RNLS: variants seen among roughly 807,000 people sequenced by gnomAD.
The protein encoded by RNLS is renalase, FAD dependent amine oxidase, also known as renalase.
Under a neutral mutation model 39.8 loss-of-function variants are expected in RNLS, and 39 were observed. The ratio of observed to expected loss-of-function variants is 0.98; its 90% CI spans 0.76 to 1.28. The LOEUF (loss-of-function observed/expected upper bound fraction) is 1.28. Among genes scored for constraint, RNLS ranks in the 50% most tolerant of loss-of-function variants. The pLI, the probability that RNLS is intolerant of heterozygous loss-of-function variation, is 0.00. For synonymous variants in RNLS, 147 were observed against 150.7 expected, an observed-to-expected ratio of 0.98 and a Z score of 0.18; for missense variants, 410 against 413.3, an observed-to-expected ratio of 0.99 and a Z score of 0.07.
At chr10:88,437,594 AC>A (rs1439750310) in intron 4 of RNLS, among the ~76,000 whole-genome samples, 1 of 152,028 alleles carries the variant, frequency 6.6e-6, no homozygotes, top group African/African-American at 2.4e-5. Flanking sequence ...TTATTTCCAC[AC>A]CCTGTTTTCA....
chr10:88,374,262 A>T (rs1315229396), intron 4 of RNLS, among the ~76,000 whole-genome samples: 1 of 152,106 alleles, frequency 6.6e-6, no homozygotes, highest in Non-Finnish European at 1.5e-5. Flanking sequence ...TCATAACCTC[A>T]AGGTGTTTGC....
rs149825485 is a variant in RNLS, at chr10:88,581,628, G to C, written c.306C>G (p.Asp102Glu). The C allele has an allele frequency of 1.1e-4, 185 of 1,609,414 alleles. No individual in the cohort carries two copies. Among genetic ancestry groups the C allele is most frequent in the Non-Finnish European group, 1.5e-4 (175 of 1,177,858 alleles). The change falls in exon 3 of 7, where the codon GAC becomes GAG. Residue 102 changes from aspartate to glutamate, a missense_variant. Physicochemically the swap from Asp to Glu is conservative, Grantham distance 45. Transcript: ENST00000331772. ...PIEGMVMKEGDCNFVAPQGIS... is the reference protein window; with the variant it reads ...PIEGMVMKEGECNFVAPQGIS... ...TTCCTTGAGGTGCCACAAAGTTACA[G>C]TCTCCTTCTTTCATCACCATTCCTT...
chr10:88,392,906 C>T (rs549670212), intron 4 of RNLS, among the ~76,000 whole-genome samples: 2 of 152,218 alleles, frequency 1.3e-5, no homozygotes, highest in South Asian at 4.1e-4. Flanking sequence ...AAATGTAATC[C>T]AGCATATAAA....
intron 4 of RNLS, among the ~76,000 whole-genome samples, chr10:88,548,384 A>C (rs925906722): frequency 6.7e-6 from 1 of 149,930 alleles, no homozygotes; most frequent in African/African-American, 2.4e-5. Context: ...GTTTTCCTGT[A>C]ATCCCAGCAC....
At chr10:88,513,901 G>A (rs1846277929) in intron 4 of RNLS, among the ~76,000 whole-genome samples, 1 of 152,012 alleles carries the variant, frequency 6.6e-6, no homozygotes, top group Admixed American at 6.6e-5. Flanking sequence ...GATGAAAAGG[G>A]ATCTTGTAGT....
chr10:88,558,349 T>C (rs1030041590), intron 4 of RNLS, among the ~76,000 whole-genome samples: 1 of 152,166 alleles, frequency 6.6e-6, no homozygotes, highest in African/African-American at 2.4e-5. Context: ...CATGAAGTGG[T>C]TGTGAAGGGT....
chr10:88,358,246 A>G (rs1430954486), intron 5 of RNLS, among the ~76,000 whole-genome samples: 2 of 152,248 alleles, frequency 1.3e-5, no homozygotes, highest in Non-Finnish European at 2.9e-5. Context: ...CATTTCTAAA[A>G]AAAATCTCAA....
chr10:88,372,782 T>C (rs957468152), intron 4 of RNLS, among the ~76,000 whole-genome samples: 4 of 152,172 alleles, frequency 2.6e-5, no homozygotes, highest in Admixed American at 2.6e-4. Flanking sequence ...AGTTTTATCC[T>C]TGGGAATCTT....
chr10:88,284,432 G>A lies in RNLS; in HGVS notation c.*922C>T, dbSNP rs1843134959. Reference sequence around the variant, plus strand: ...TTCTCTCCAGCTAGCAAGTCGTGGGGTCAGGTCACTGAAGCATGTGGGTGA... The same window carrying A: ...TTCTCTCCAGCTAGCAAGTCGTGGGATCAGGTCACTGAAGCATGTGGGTGA... On this transcript the variant is annotated 3_prime_UTR_variant, in exon 7 of 7. Transcript: ENST00000331772. The A allele has an allele frequency of 2.0e-6, 2 of 985,220 alleles. No homozygotes were observed. Among genetic ancestry groups the A allele is most frequent in the African/African-American group, 3.5e-5 (2 of 57,220 alleles). 61.0% of individuals were successfully genotyped at this position (985,220 alleles called of 1,614,324 possible).
intron 4 of RNLS, among the ~76,000 whole-genome samples, chr10:88,542,560 T>C (rs1332325303): frequency 1.3e-5 from 2 of 152,114 alleles, no homozygotes; most frequent in African/African-American, 2.4e-5. Context: ...AAATGATTAA[T>C]TTGCCAGATT....
chr10:88,406,922 A>C (rs937812806), intron 4 of RNLS, among the ~76,000 whole-genome samples: 4 of 152,126 alleles, frequency 2.6e-5, no homozygotes, highest in African/African-American at 9.7e-5. Context: ...ATTGGAGACT[A>C]TTATTCTAAG....
intron 4 of RNLS, among the ~76,000 whole-genome samples, chr10:88,551,500 T>C (rs1848598096): frequency 6.6e-6 from 1 of 152,214 alleles, no homozygotes. Context: ...TTTTAACTTG[T>C]TAATGACATC....
chr10:88,374,050 T>C (rs1850774365), intron 4 of RNLS, among the ~76,000 whole-genome samples: 1 of 152,008 alleles, frequency 6.6e-6, no homozygotes, highest in Non-Finnish European at 1.5e-5. Context: ...AATTAGAAAT[T>C]TTATATATTA....
intron 5 of RNLS, among the ~76,000 whole-genome samples, chr10:88,345,453 AT>A (rs1383101546): frequency 6.6e-6 from 1 of 152,178 alleles, no homozygotes; most frequent in Non-Finnish European, 1.5e-5. Context: ...GTAATAAGAT[AT>A]TGTTTAGCCT....
intron 5 of RNLS, among the ~76,000 whole-genome samples, chr10:88,351,069 T>C (rs1848663743): frequency 6.6e-6 from 1 of 152,206 alleles, no homozygotes; most frequent in Admixed American, 6.5e-5. Flanking sequence ...GCCCACTTGT[T>C]GGTGGGGTTG....
chr10:88,475,657 C>G (rs1843775167), intron 4 of RNLS, among the ~76,000 whole-genome samples: 1 of 152,074 alleles, frequency 6.6e-6, no homozygotes, highest in South Asian at 2.1e-4. Context: ...GCAGCTGTTC[C>G]CTCTACACTC....
intron 5 of RNLS, among the ~76,000 whole-genome samples, chr10:88,339,117 G>A (rs1847740997): frequency 6.6e-6 from 1 of 152,122 alleles, no homozygotes; most frequent in Admixed American, 6.5e-5. Context: ...TAGACATGGT[G>A]GTGGCTGTGG....
chr10:88,524,819 G>A (rs974276737), intron 4 of RNLS, among the ~76,000 whole-genome samples: 14 of 150,604 alleles, frequency 9.3e-5, no homozygotes, highest in Admixed American at 4.0e-4. Context: ...TAACCTTTCC[G>A]TATTCTTCAA....
chr10:88,253,431 G>T, the RNLS span, among the ~76,000 whole-genome samples: 5 of 152,166 alleles, frequency 3.3e-5, no homozygotes, highest in Non-Finnish European at 2.9e-5. Flanking sequence ...ATTGCATCCA[G>T]GGGTGGCAAC....
Sources: allele counts gnomAD v4.1 joint callset (sites outside exome capture counted in the v4.1 genomes callset), GRCh38; gene constraint gnomAD v4.1.1; transcripts MANE v1.5; gene names NCBI Gene and HGNC (gene_info 2026-07-23, HGNC 2026-07-21).